The following EPHB1 variants were observed in gnomAD, a reference collection of about 807,000 sequenced individuals.
The protein encoded by EPHB1 is ephrin type-B receptor 1.
EPHB1 carries 30 observed loss-of-function variants against 94.4 expected under a neutral mutation model. The ratio of observed to expected loss-of-function variants is 0.32; its 90% CI spans 0.24 to 0.43. The LOEUF (loss-of-function observed/expected upper bound fraction) is 0.43. Ranked by LOEUF, EPHB1 falls within the 20% of genes least tolerant of loss-of-function variation. The pLI, the probability that EPHB1 is intolerant of heterozygous loss-of-function variation, is 1.00. For synonymous variants in EPHB1, 522 were observed against 489.1 expected, an observed-to-expected ratio of 1.07 and a Z score of -0.89; for missense variants, 1,055 against 1,308.3, an observed-to-expected ratio of 0.81 and a Z score of 2.99.
chr3:134,893,740 A>G (rs1439082460), intron 1 of EPHB1, among the ~76,000 whole-genome samples: 4 of 152,336 alleles, frequency 2.6e-5, no homozygotes, highest in African/African-American at 9.6e-5. Context: ...TGTTCCATGC[A>G]TATGCTGTCG....
At chr3:134,993,130 C>T (rs1057284491) in intron 3 of EPHB1, among the ~76,000 whole-genome samples, 1 of 152,210 alleles carries the variant, frequency 6.6e-6, no homozygotes, top group Non-Finnish European at 1.5e-5. Context: ...CAGTAATCCC[C>T]ATTAAGAGGT....
chr3:134,962,802 G>GC (rs1933572479), intron 3 of EPHB1, among the ~76,000 whole-genome samples: 1 of 146,764 alleles, frequency 6.8e-6, no homozygotes, highest in Non-Finnish European at 1.5e-5. Context: ...CCCTCCTCCT[G>GC]CCCCCTCTTC....
intron 1 of EPHB1, among the ~76,000 whole-genome samples, chr3:134,829,545 C>CA (rs2036543398): frequency 6.6e-6 from 1 of 151,856 alleles, no homozygotes; most frequent in East Asian, 1.9e-4. Flanking sequence ...TTTATCTTTG[C>CA]AAAAAACTTT....
At chr3:134,807,978 T>A (rs1243807127) in intron 1 of EPHB1, among the ~76,000 whole-genome samples, 1 of 152,134 alleles carries the variant, frequency 6.6e-6, no homozygotes, top group African/African-American at 2.4e-5. Flanking sequence ...TTAAACATCA[T>A]CTGCCAGCAC....
intron 1 of EPHB1, among the ~76,000 whole-genome samples, chr3:134,813,139 G>T (rs897713921): frequency 6.6e-6 from 1 of 152,170 alleles, no homozygotes; most frequent in African/African-American, 2.4e-5. Flanking sequence ...TTATGATCAG[G>T]GAAGAAATAT....
intron 3 of EPHB1, among the ~76,000 whole-genome samples, chr3:135,036,734 A>T (rs1444150230): frequency 6.6e-6 from 1 of 152,180 alleles, no homozygotes; most frequent in African/African-American, 2.4e-5. Context: ...TATTTCTAGA[A>T]TATCTAGCAG....
chr3:135,160,337 C>T (rs529560092), intron 6 of EPHB1, among the ~76,000 whole-genome samples: 15 of 152,240 alleles, frequency 9.9e-5, no homozygotes, highest in African/African-American at 3.4e-4. Context: ...GTACTGTATT[C>T]TTTACATATA....
At chr3:134,997,756 T>A (rs1935042526) in intron 3 of EPHB1, among the ~76,000 whole-genome samples, 1 of 152,242 alleles carries the variant, frequency 6.6e-6, no homozygotes, top group Non-Finnish European at 1.5e-5. Context: ...TCATGCCTTC[T>A]TGTGCACTCC....
chr3:135,030,423 TGTTA>T (rs1430702537), intron 3 of EPHB1, among the ~76,000 whole-genome samples: 1 of 152,218 alleles, frequency 6.6e-6, no homozygotes, highest in Non-Finnish European at 1.5e-5. Flanking sequence ...CCTTTCTGTT[TGTTA>T]GTTTTCCTTC....
intron 1 of EPHB1, among the ~76,000 whole-genome samples, chr3:134,843,718 A>G (rs2036817942): frequency 6.6e-6 from 1 of 152,074 alleles, no homozygotes; most frequent in South Asian, 2.1e-4. Context: ...TCAACTCCAT[A>G]ATTTACATTT....
At chr3:134,902,016 C>A (rs1224456459) in intron 1 of EPHB1, among the ~76,000 whole-genome samples, 1 of 152,168 alleles carries the variant, frequency 6.6e-6, no homozygotes, top group Non-Finnish European at 1.5e-5. Flanking sequence ...GGAGCTTGTA[C>A]TTTTCTCTGA....
chr3:134,992,266 C>T (rs961236237), intron 3 of EPHB1, among the ~76,000 whole-genome samples: 2 of 152,130 alleles, frequency 1.3e-5, no homozygotes, highest in African/African-American at 2.4e-5. Context: ...GAGAAGATGA[C>T]GGCCTGGAGT....
intron 1 of EPHB1, among the ~76,000 whole-genome samples, chr3:134,883,811 G>A (rs560419708): frequency 6.6e-6 from 1 of 152,222 alleles, no homozygotes; most frequent in Non-Finnish European, 1.5e-5. Flanking sequence ...GACTCAGAGG[G>A]CAGATACTGC....
At chr3:135,047,666 C>A (rs1237443305) in intron 3 of EPHB1, among the ~76,000 whole-genome samples, 1 of 152,180 alleles carries the variant, frequency 6.6e-6, no homozygotes, top group Non-Finnish European at 1.5e-5. Flanking sequence ...TTCATTCACT[C>A]ATTCATTTCT....
In EPHB1 at chr3:135,151,266, A is replaced by G. The variant is rs1396139729; in HGVS notation, c.1298-2886A>G. Among the ~76,000 whole-genome samples the G allele has an allele frequency of 2.0e-5, 3 of 152,144 alleles. No individual in the cohort carries two copies. In the East Asian group the frequency reaches 5.8e-4, roughly 29 times the overall value. On this transcript the variant is annotated intron_variant, in intron 5 of 15. Coordinates refer to ENST00000398015, the MANE Select transcript of EPHB1 (RefSeq NM_004441.5). Reference sequence around the variant, plus strand: ...GGCCCTCCAGCTTGCTCAGGGTAGAAGCCAAACTCCTTCTAGTGTCCCTCA... The same window carrying G: ...GGCCCTCCAGCTTGCTCAGGGTAGAGGCCAAACTCCTTCTAGTGTCCCTCA...
intron 1 of EPHB1, among the ~76,000 whole-genome samples, chr3:134,815,320 A>C (rs1447033820): frequency 6.6e-6 from 1 of 152,174 alleles, no homozygotes; most frequent in Non-Finnish European, 1.5e-5. Flanking sequence ...AATGGCCATG[A>C]TGTATGCTAC....
At chr3:135,083,869 G>A (rs915650997) in intron 3 of EPHB1, among the ~76,000 whole-genome samples, 1 of 152,098 alleles carries the variant, frequency 6.6e-6, no homozygotes, top group Admixed American at 6.5e-5. Flanking sequence ...ACACAGACTA[G>A]TTCTTGAGCC....
intron 5 of EPHB1, among the ~76,000 whole-genome samples, chr3:135,141,992 C>A (rs928710716): frequency 6.6e-6 from 1 of 152,164 alleles, no homozygotes; most frequent in South Asian, 2.1e-4. Context: ...GGAGACCTCC[C>A]CAGGGGCTCC....
At chr3:134,813,977 C>A (rs958531570) in intron 1 of EPHB1, among the ~76,000 whole-genome samples, 34 of 152,158 alleles carry the variant, frequency 2.2e-4, no homozygotes, top group African/African-American at 8.0e-4. Flanking sequence ...AAAGCAGGCA[C>A]CCCCACTGTC....
Sources: allele counts gnomAD v4.1 joint callset (sites outside exome capture counted in the v4.1 genomes callset), GRCh38; gene constraint gnomAD v4.1.1; transcripts MANE v1.5; gene names NCBI Gene and HGNC (gene_info 2026-07-23, HGNC 2026-07-21).